The following B4GALNT2 variants were observed in gnomAD, a reference collection of about 807,000 sequenced individuals.
B4GALNT2 encodes the protein N-acetylneuraminylgalactosylglucosyl-glucoside beta-1,4-N- acetylgalactosaminyltransferase 2.
Under a neutral mutation model 51.1 loss-of-function variants are expected in B4GALNT2, and 42 were observed. The observed-to-expected ratio is 0.82, with a 90% CI of 0.64 to 1.06. B4GALNT2 has a LOEUF of 1.06. B4GALNT2 is among the 50% of genes least tolerant of loss of function. The pLI is 0.00. For missense variants in B4GALNT2, 602 were observed against 633.6 expected, an observed-to-expected ratio of 0.95 and a Z score of 0.54; for synonymous variants, 253 against 251.7, an observed-to-expected ratio of 1.01 and a Z score of -0.05.
At chr17:49,152,221 T>A (rs952720089) in intron 3 of B4GALNT2, among the ~76,000 whole-genome samples, 4 of 151,806 alleles carry the variant, frequency 2.6e-5, no homozygotes, top group East Asian at 2.0e-4. Flanking sequence ...TACAAAAAAA[T>A]TTTAAAAATT....
chr17:49,141,077 C>T (rs547922645), intron 1 of B4GALNT2, among the ~76,000 whole-genome samples, 170 bp from the exon 2 acceptor site: 2 of 151,220 alleles, frequency 1.3e-5, no homozygotes, highest in East Asian at 1.9e-4. Flanking sequence ...TTTTCTAAGT[C>T]CCTTTGTTGC....
chr17:49,152,545 G>A (rs182691781), intron 3 of B4GALNT2, among the ~76,000 whole-genome samples: 3 of 152,120 alleles, frequency 2.0e-5, no homozygotes, highest in East Asian at 1.9e-4. Context: ...GCGTGGAGGC[G>A]CACTCCTATA....
At chr17:49,131,447 A>G (rs559645964), upstream of B4GALNT2, among the ~76,000 whole-genome samples, 5 of 110,404 alleles carry the variant, frequency 4.5e-5, no homozygotes, top group Non-Finnish European at 8.7e-5. Context: ...TCCAAGACTC[A>G]CTTTCCCAGA....
At chr17:49,133,372 C>A (rs2042559164) in intron 1 of B4GALNT2, among the ~76,000 whole-genome samples, 1 of 152,074 alleles carries the variant, frequency 6.6e-6, no homozygotes, top group South Asian at 2.1e-4. Context: ...GGTTGTGTGG[C>A]CCCGCGTGCT....
intron 2 of B4GALNT2, 63 bp downstream of exon 2, chr17:49,141,510 T>C: frequency 6.6e-7 from 1 of 1,513,336 alleles, no homozygotes; most frequent in Non-Finnish European, 9.1e-7. Flanking sequence ...CCTCCTCAAG[T>C]ACCATGCCCT....
At chr17:49,131,462 G>GAAAAAAAA (rs367790096), upstream of B4GALNT2, among the ~76,000 whole-genome samples, 3 of 100,290 alleles carry the variant, frequency 3.0e-5, no homozygotes, top group Non-Finnish European at 5.6e-5. Flanking sequence ...CCCAGACTCC[G>GAAAAAAAA]AAAAAAAAAA....
chr17:49,124,599 T>C, the B4GALNT2 span, among the ~76,000 whole-genome samples: 77,522 of 151,924 alleles, frequency 0.51, 20,161 homozygotes, highest in Middle Eastern at 0.62. Flanking sequence ...ACAAATATAG[T>C]CCAAAGAAAG....
At chr17:49,125,362 G>A in the B4GALNT2 span, among the ~76,000 whole-genome samples, 1 of 152,078 alleles carries the variant, frequency 6.6e-6, no homozygotes, top group African/African-American at 2.4e-5. Flanking sequence ...GTTTCACCAT[G>A]TTGGCCAGGC....
chr17:49,158,162 G>A lies in B4GALNT2; in HGVS notation c.499-875G>A, dbSNP rs148542356. 1.6e-4 allele frequency among the ~76,000 whole-genome samples: 25 copies of A among 152,300 alleles called. No homozygotes were observed. The East Asian group carries it at 3.9e-3, about 24-fold the overall frequency. ...TTCCCTTGGGGCCTGGAACAACTGA[G>A]TGGATGGAGGTGCCATCCACAAGGC... On this transcript the variant is annotated intron_variant, in intron 5 of 10. Transcript: ENST00000393354.
At chr17:49,155,415 C>T (rs1262328521) in intron 4 of B4GALNT2, among the ~76,000 whole-genome samples, 5 of 150,608 alleles carry the variant, frequency 3.3e-5, no homozygotes, top group Admixed American at 6.6e-5. Context: ...CCAGCCTGAC[C>T]AACATGGTGA....
At chr17:49,150,064 G>C (rs2042733863) in intron 3 of B4GALNT2, among the ~76,000 whole-genome samples, 1 of 146,708 alleles carries the variant, frequency 6.8e-6, no homozygotes, top group Non-Finnish European at 1.5e-5. Flanking sequence ...AAAAATTTTG[G>C]AGGTCGGGGG....
At chr17:49,150,966 C>T (rs931047450) in intron 3 of B4GALNT2, among the ~76,000 whole-genome samples, 8 of 151,974 alleles carry the variant, frequency 5.3e-5, no homozygotes, top group Non-Finnish European at 1.0e-4. Context: ...TTTCATATTA[C>T]CGTAAGTATT....
intron 1 of B4GALNT2, among the ~76,000 whole-genome samples, chr17:49,133,921 CAAACAAACA>C (rs1165426926): frequency 8.6e-5 from 13 of 151,086 alleles, no homozygotes; most frequent in African/African-American, 4.9e-5. Context: ...CAAAAACAAA[CAAACAAACA>C]AAACAAACAA....
Position 49,161,275 on chromosome 17 carries a change from G to GAA in B4GALNT2, c.766+646_766+647dup, listed in dbSNP as rs5820749. ...GGGCAACAGAGCAAGACTCTGTCTT[G>GAA]AAAAAAAAAAAAAGAGAGAGACAGC... On this transcript the variant is annotated intron_variant, in intron 7 of 10. Coordinates refer to ENST00000393354, the MANE Select transcript of B4GALNT2 (RefSeq NM_001159387.2). Among the ~76,000 whole-genome samples, 1,270 of 139,144 alleles carry GAA rather than the reference G, an allele frequency of 9.1e-3. 19 individuals carry two copies. The highest frequency in any genetic ancestry group is 0.014 in the Non-Finnish European group (910 of 65,592). The allele number at this position is 139,144 out of a possible 152,430, so 91.3% of individuals were successfully genotyped here.
At position 49,137,015 on chromosome 17, in the gene B4GALNT2, A is replaced by C. The variant is rs553324537; in HGVS notation, c.14+4209A>C. Among the ~76,000 whole-genome samples, 3 of 152,330 alleles carry C rather than the reference A, an allele frequency of 2.0e-5. No individual in the cohort carries two copies. In the East Asian group the frequency reaches 5.8e-4, roughly 29 times the overall value. On this transcript the variant is annotated intron_variant, in intron 1 of 10. Transcript: ENST00000393354. ...ACAAATATTAAGTTACACAGCTTAAAAGGCATGTAATATATCAGATGTCTG... is the reference window on the plus strand; with the variant it reads ...ACAAATATTAAGTTACACAGCTTAACAGGCATGTAATATATCAGATGTCTG...
chr17:49,135,437 C>A (rs1001213211), intron 1 of B4GALNT2, among the ~76,000 whole-genome samples: 2 of 151,756 alleles, frequency 1.3e-5, no homozygotes, highest in African/African-American at 4.8e-5. Flanking sequence ...TGCCACCATG[C>A]CCGCCTAAGA....
At chr17:49,139,562 G>A (rs1567855274) in intron 1 of B4GALNT2, among the ~76,000 whole-genome samples, 2 of 152,156 alleles carry the variant, frequency 1.3e-5, no homozygotes, top group Non-Finnish European at 2.9e-5. Flanking sequence ...AGTTGCCCAG[G>A]CTGTAATGCA....
At position 49,164,149 on chromosome 17, in the gene B4GALNT2, C is replaced by A; in HGVS notation, c.828C>A (p.Leu276=). 6.2e-7 allele frequency: 1 copy of A among 1,614,158 alleles called. No individual in the cohort carries two copies. The highest frequency in any genetic ancestry group is 8.5e-7 in the Non-Finnish European group (1 of 1,179,980). The change falls in exon 8 of 11, where the codon CTC becomes CTA. Residue 276 remains leucine, a synonymous_variant. Coordinates refer to ENST00000393354, the MANE Select transcript of B4GALNT2 (RefSeq NM_001159387.2). ...AGACTTTCCTCCGCCCCCACAAGCT[C>A]ATGATCATGCTCCGGAGTATTCGAG... is the stretch of plus-strand genomic sequence containing the variant. The part of the protein sequence containing the change: ...ATKTFLRPHK[L]MIMLRSIREY...
At position 49,176,624 on chromosome 17, in the gene B4GALNT2, G is replaced by A. The variant is rs1217985202; in HGVS notation, c.*6896G>A. ...TGTGCATCATGGCCATCATGAACATGTCACAGTGCTGCAGAGATTTTATTT... is the reference window on the plus strand; with the variant it reads ...TGTGCATCATGGCCATCATGAACATATCACAGTGCTGCAGAGATTTTATTT... On this transcript the variant is annotated 3_prime_UTR_variant, in exon 11 of 11. Coordinates refer to ENST00000393354, the MANE Select transcript of B4GALNT2 (RefSeq NM_001159387.2). The A allele has an allele frequency of 1.3e-5, 2 of 152,176 alleles. No individual in the cohort carries two copies. The highest frequency in any genetic ancestry group is 2.9e-5 in the Non-Finnish European group (2 of 68,044). 9.4% of individuals were successfully genotyped at this position (152,176 alleles called of 1,614,324 possible).
Sources: gnomAD v4.1 joint callset for allele counts (sites outside exome capture counted in the v4.1 genomes callset) on GRCh38, gnomAD v4.1.1 for gene constraint, MANE v1.5 for transcripts, NCBI Gene and HGNC (gene_info 2026-07-23, HGNC 2026-07-21) for gene names.